The following SGCZ variants were observed in gnomAD, a reference collection of about 807,000 sequenced individuals.
The protein encoded by SGCZ is zeta-sarcoglycan.
In SGCZ, 40 loss-of-function variants were observed where a neutral mutation model predicts 41.3. The ratio of observed to expected loss-of-function variants is 0.97; its 90% CI spans 0.75 to 1.26. The LOEUF (loss-of-function observed/expected upper bound fraction) is 1.26, where lower values mean the gene tolerates loss of function less well. SGCZ is among the 50% of genes most tolerant of loss of function. SGCZ has a pLI of 0.00. For missense variants in SGCZ, 552 were observed against 369.8 expected, an observed-to-expected ratio of 1.49 and a Z score of -4.04; for synonymous variants, 206 against 137.5, an observed-to-expected ratio of 1.50 and a Z score of -3.49.
At chr8:14,605,506 C>G (rs1245994333) in intron 1 of SGCZ, among the ~76,000 whole-genome samples, 1 of 152,060 alleles carries the variant, frequency 6.6e-6, no homozygotes, top group Admixed American at 6.6e-5. Context: ...ATCTTTTAAT[C>G]TTTTTCTATT....
chr8:14,702,478 C>T (rs926715943), intron 1 of SGCZ, among the ~76,000 whole-genome samples: 2 of 151,896 alleles, frequency 1.3e-5, no homozygotes, highest in South Asian at 2.1e-4. Flanking sequence ...CTCTGCACCC[C>T]TCTAGACTTC....
chr8:14,399,382 T>C (rs1206925727), intron 2 of SGCZ, among the ~76,000 whole-genome samples: 1 of 152,150 alleles, frequency 6.6e-6, no homozygotes, highest in Non-Finnish European at 1.5e-5. Flanking sequence ...TCTTCAATAG[T>C]GCCTGCCATG....
chr8:15,184,980 A>G (rs78936864), intron 1 of SGCZ, among the ~76,000 whole-genome samples: 7,776 of 152,232 alleles, frequency 0.051, 322 homozygotes, highest in East Asian at 0.18. Flanking sequence ...ATTAGACTGT[A>G]AATGCCCTAT....
At chr8:14,324,538 G>A (rs998858319) in intron 2 of SGCZ, among the ~76,000 whole-genome samples, 1 of 152,064 alleles carries the variant, frequency 6.6e-6, no homozygotes, top group Admixed American at 6.5e-5. Flanking sequence ...CTACCTGACT[G>A]TTGGAAATAA....
chr8:14,912,659 T>A (rs1563358144), intron 1 of SGCZ, among the ~76,000 whole-genome samples: 2 of 152,038 alleles, frequency 1.3e-5, no homozygotes, highest in Admixed American at 1.3e-4. Flanking sequence ...ACTCTGAAAG[T>A]CACCATTCAC....
At chr8:14,201,460 A>G (rs1055583473) in intron 4 of SGCZ, among the ~76,000 whole-genome samples, 2 of 152,188 alleles carry the variant, frequency 1.3e-5, no homozygotes, top group Non-Finnish European at 2.9e-5. Flanking sequence ...AAGGAACAAA[A>G]TTGTTGATTC....
At chr8:14,279,615 A>T (rs1449322428) in intron 3 of SGCZ, among the ~76,000 whole-genome samples, 1 of 152,068 alleles carries the variant, frequency 6.6e-6, no homozygotes, top group Non-Finnish European at 1.5e-5. Flanking sequence ...CCATGACTGT[A>T]ACATATGTTA....
chr8:14,210,384 C>T (rs1227816343), intron 4 of SGCZ, among the ~76,000 whole-genome samples: 2 of 151,704 alleles, frequency 1.3e-5, no homozygotes, highest in East Asian at 3.9e-4. Context: ...TTAAAAACAT[C>T]ATTACCATTT....
chr8:15,122,700 C>T (rs1410120597), intron 1 of SGCZ, among the ~76,000 whole-genome samples: 1 of 152,060 alleles, frequency 6.6e-6, no homozygotes, highest in African/African-American at 2.4e-5. Context: ...AAATGCTTTC[C>T]AAATTTTCCT....
intron 1 of SGCZ, among the ~76,000 whole-genome samples, chr8:14,855,679 A>G (rs1803524233): frequency 6.6e-6 from 1 of 152,198 alleles, no homozygotes; most frequent in African/African-American, 2.4e-5. Context: ...GTATTATTGC[A>G]AATGCCAACA....
chr8:14,881,945 T>C lies in SGCZ; in HGVS notation c.40-327019A>G, dbSNP rs183308641. Among the ~76,000 whole-genome samples the C allele has an allele frequency of 4.0e-3, 611 of 152,188 alleles. 4 individuals are homozygous for C. Among genetic ancestry groups the C allele is most frequent in the South Asian group, 0.018 (86 of 4,822 alleles). On this transcript the variant is annotated intron_variant, in intron 1 of 7. Transcript: ENST00000382080. ...ACTCACTCAAAACCAAAGAACTACA[T>C]GGAAATTGAACAACCTCTTCCTGAA...
At chr8:14,219,310 A>G (rs1451375595) in intron 4 of SGCZ, among the ~76,000 whole-genome samples, 1 of 152,170 alleles carries the variant, frequency 6.6e-6, no homozygotes, top group Non-Finnish European at 1.5e-5. Flanking sequence ...AATCCCGCTT[A>G]AACCACTACA....
chr8:15,221,222 G>A (rs1224472325), intron 1 of SGCZ, among the ~76,000 whole-genome samples: 1 of 152,098 alleles, frequency 6.6e-6, no homozygotes, highest in Non-Finnish European at 1.5e-5. Flanking sequence ...AACATGAAAA[G>A]CCCAAAGTTC....
intron 1 of SGCZ, among the ~76,000 whole-genome samples, chr8:14,945,611 C>T (rs1394822939): frequency 6.6e-6 from 1 of 151,846 alleles, no homozygotes; most frequent in Admixed American, 6.6e-5. Context: ...TCTGTAAGGG[C>T]GTTTCCGGAG....
At chr8:14,242,514 T>C (rs6530738) in intron 3 of SGCZ, among the ~76,000 whole-genome samples, 101,435 of 152,034 alleles carry the variant, frequency 0.67, 34,212 homozygotes, top group South Asian at 0.79. Flanking sequence ...ATCTGTAAAA[T>C]AGGGGTCATA....
intron 1 of SGCZ, among the ~76,000 whole-genome samples, chr8:15,195,983 C>T (rs1160099385): frequency 7.6e-6 from 1 of 131,852 alleles, no homozygotes; most frequent in Non-Finnish European, 1.7e-5. Context: ...CTGCAAGCTC[C>T]GCCTCCCGGG....
intron 1 of SGCZ, among the ~76,000 whole-genome samples, chr8:15,145,512 G>A (rs948086610): frequency 1.3e-5 from 2 of 152,034 alleles, no homozygotes; most frequent in Non-Finnish European, 2.9e-5. Context: ...TGTCACCTAC[G>A]CTGAAGTGCA....
At chr8:15,123,545 A>C (rs1057472306) in intron 1 of SGCZ, among the ~76,000 whole-genome samples, 2 of 152,200 alleles carry the variant, frequency 1.3e-5, no homozygotes, top group Non-Finnish European at 2.9e-5. Flanking sequence ...AGATAGGTTC[A>C]GGGAAGTTAT....
At position 15,122,314 on chromosome 8, in the gene SGCZ, A is replaced by C. The variant is rs141007542; in HGVS notation, c.39+115271T>G. ...GCATGACAGGAATTTAGCCAAGCAA[A>C]ATGGGAAACAAGGGTATTCAAGACT... On this transcript the variant is annotated intron_variant, in intron 1 of 7. Transcript: ENST00000382080. 1.5e-3 allele frequency among the ~76,000 whole-genome samples: 228 copies of C among 152,234 alleles called. 1 individual carries two copies. Among genetic ancestry groups the C allele is most frequent in the African/African-American group, 5.2e-3 (218 of 41,564 alleles).
Sources: allele counts gnomAD v4.1 joint callset (sites outside exome capture counted in the v4.1 genomes callset), GRCh38; gene constraint gnomAD v4.1.1; transcripts MANE v1.5; gene names NCBI Gene and HGNC (gene_info 2026-07-23, HGNC 2026-07-21).